GPC5: variants seen among roughly 807,000 people sequenced by gnomAD.
GPC5 encodes the protein glypican 5.
In GPC5, 47 loss-of-function variants were observed where a neutral mutation model predicts 53.9. The ratio of observed to expected loss-of-function variants is 0.87; its 90% CI spans 0.69 to 1.11. GPC5 has a LOEUF of 1.11. Ranked by LOEUF, GPC5 falls within the 50% of genes most tolerant of loss-of-function variation. The pLI is 0.00. For missense variants in GPC5, 748 were observed against 713.1 expected (o/e 1.05, Z -0.56); for synonymous variants, 286 against 263.3 (o/e 1.09, Z -0.84).
chr13:92,110,487 TC>T (rs1307007610), intron 6 of GPC5, among the ~76,000 whole-genome samples: 2 of 152,118 alleles, frequency 1.3e-5, no homozygotes, highest in Admixed American at 6.5e-5. Flanking sequence ...GGCAGCTATT[TC>T]CTTTCCACTA....
chr13:92,189,622 C>T (rs9560965), intron 7 of GPC5, among the ~76,000 whole-genome samples: 31,855 of 151,926 alleles, frequency 0.21, 4,339 homozygotes, highest in East Asian at 0.69. Flanking sequence ...TTTCAAGAGA[C>T]TGAACGAGTA....
At chr13:92,368,950 G>A (rs936812442) in intron 7 of GPC5, among the ~76,000 whole-genome samples, 1 of 152,128 alleles carries the variant, frequency 6.6e-6, no homozygotes, top group African/African-American at 2.4e-5. Flanking sequence ...GTGAAGTGGT[G>A]CAGTCAAGCA....
chr13:92,417,796 C>G (rs537774320), intron 7 of GPC5, among the ~76,000 whole-genome samples: 1 of 152,204 alleles, frequency 6.6e-6, no homozygotes, highest in East Asian at 1.9e-4. Context: ...GGGGCTGATG[C>G]GGGAGGATTG....
At chr13:92,375,610 A>T (rs561714704) in intron 7 of GPC5, among the ~76,000 whole-genome samples, 1 of 152,260 alleles carries the variant, frequency 6.6e-6, no homozygotes, top group Non-Finnish European at 1.5e-5. Flanking sequence ...ATATATTAAG[A>T]GATTTGCTGA....
chr13:91,974,015 A>G (rs1010385341), intron 6 of GPC5, among the ~76,000 whole-genome samples: 1 of 152,200 alleles, frequency 6.6e-6, no homozygotes, highest in Non-Finnish European at 1.5e-5. Context: ...CAAAGTTGTC[A>G]GACAGGGACA....
At chr13:92,369,859 T>C (rs2043636206) in intron 7 of GPC5, among the ~76,000 whole-genome samples, 1 of 152,230 alleles carries the variant, frequency 6.6e-6, no homozygotes, top group Non-Finnish European at 1.5e-5. Flanking sequence ...AACAAGAATT[T>C]ACTATCTACT....
At chr13:92,051,421 C>G (rs540756744) in intron 6 of GPC5, among the ~76,000 whole-genome samples, 1 of 151,390 alleles carries the variant, frequency 6.6e-6, no homozygotes, top group Non-Finnish European at 1.5e-5. Flanking sequence ...AGGATGGTCT[C>G]GATCTCTTGA....
intron 7 of GPC5, among the ~76,000 whole-genome samples, chr13:92,307,830 C>A (rs893923526): frequency 6.6e-6 from 1 of 152,214 alleles, no homozygotes; most frequent in Non-Finnish European, 1.5e-5. Flanking sequence ...ACAGATGTGA[C>A]TATAAGGCAG....
chr13:92,534,461 C>T (rs141606742), intron 7 of GPC5, among the ~76,000 whole-genome samples: 3 of 152,212 alleles, frequency 2.0e-5, no homozygotes, highest in East Asian at 3.9e-4. Flanking sequence ...TGTGTTCTGC[C>T]TCATAACAGT....
In GPC5 at chr13:92,527,182, GAAGAAAGAAAGAAAGAAAGAAAGA is replaced by G. The variant is rs1168907594; in HGVS notation, c.1562-339055_1562-339032del. 2.0e-4 allele frequency among the ~76,000 whole-genome samples: 9 copies of G among 45,100 alleles called. 1 individual carries two copies. Among genetic ancestry groups the G allele is most frequent in the Non-Finnish European group, 3.2e-4 (7 of 21,752 alleles). 29.6% of individuals were successfully genotyped at this position (45,100 alleles called of 152,430 possible). On this transcript the variant is annotated intron_variant, in intron 7 of 7. Coordinates refer to ENST00000377067, the MANE Select transcript of GPC5 (RefSeq NM_004466.6). ...AAAGAAAGAAAGAAAGAGAAAGAAA[GAAGAAAGAAAGAAAGAAAGAAAGA>G]AAGAAAGAAAGAAAGAAAGAAAGAA...
intron 5 of GPC5, among the ~76,000 whole-genome samples, chr13:91,766,616 G>T (rs543789340): frequency 4.6e-5 from 7 of 152,086 alleles, no homozygotes; most frequent in Non-Finnish European, 7.4e-5. Flanking sequence ...TAATCCCAGC[G>T]CTTCGGGAGG....
chr13:92,029,314 T>C (rs35021705), intron 6 of GPC5, among the ~76,000 whole-genome samples: 29,417 of 152,184 alleles, frequency 0.19, 3,629 homozygotes, highest in Non-Finnish European at 0.27. Context: ...CTATGAAATT[T>C]TGACAATGTT....
intron 7 of GPC5, among the ~76,000 whole-genome samples, chr13:92,792,045 GA>G (rs1876484128): frequency 2.0e-5 from 3 of 151,994 alleles, no homozygotes; most frequent in Non-Finnish European, 4.4e-5. Context: ...TGATAAGGAT[GA>G]AGAGTGATAA....
intron 7 of GPC5, among the ~76,000 whole-genome samples, chr13:92,500,548 G>C (rs1880145698): frequency 6.6e-6 from 1 of 152,140 alleles, no homozygotes; most frequent in Admixed American, 6.5e-5. Flanking sequence ...AAGAGGATTA[G>C]GCTGCCTTCA....
chr13:92,085,062 G>A (rs1438173329), intron 6 of GPC5, among the ~76,000 whole-genome samples: 1 of 152,106 alleles, frequency 6.6e-6, no homozygotes, highest in Non-Finnish European at 1.5e-5. Flanking sequence ...TTTTATAAAG[G>A]CACTAATCCC....
intron 6 of GPC5, among the ~76,000 whole-genome samples, chr13:91,947,917 C>T (rs1446745323): frequency 3.3e-5 from 5 of 151,898 alleles, no homozygotes; most frequent in East Asian, 1.9e-4. Context: ...TTTGGGAGGC[C>T]GAGGCGGGTG....
At chr13:92,265,430 G>C (rs1318940119) in intron 7 of GPC5, among the ~76,000 whole-genome samples, 1 of 151,964 alleles carries the variant, frequency 6.6e-6, no homozygotes, top group Non-Finnish European at 1.5e-5. Flanking sequence ...CAAATTATTT[G>C]CCACTTTGTA....
chr13:92,613,397 A>ATAT (rs1566320378), intron 7 of GPC5, among the ~76,000 whole-genome samples: 3 of 69,670 alleles, frequency 4.3e-5, no homozygotes, highest in Non-Finnish European at 7.6e-5. Context: ...ATATATAAAT[A>ATAT]TATATTATAT....
intron 7 of GPC5, among the ~76,000 whole-genome samples, chr13:92,515,334 T>A (rs1264135286): frequency 2.0e-5 from 3 of 152,124 alleles, no homozygotes. Flanking sequence ...TTTTTGAGAA[T>A]CCAAGAAAGG....
Sources: allele counts gnomAD v4.1 joint callset (sites outside exome capture counted in the v4.1 genomes callset), GRCh38; gene constraint gnomAD v4.1.1; transcripts MANE v1.5; gene names NCBI Gene and HGNC (gene_info 2026-07-23, HGNC 2026-07-21).